The following CREB5 variants were observed in gnomAD, a reference collection of about 807,000 sequenced individuals.
The protein encoded by CREB5 is cyclic AMP-responsive element-binding protein 5.
In CREB5, 19 loss-of-function variants were observed where a neutral mutation model predicts 57.1. The ratio of observed to expected loss-of-function variants is 0.33; its 90% confidence interval spans 0.23 to 0.49. The LOEUF is 0.49. Among genes scored for constraint, CREB5 ranks in the 20% least tolerant of loss-of-function variants. CREB5 has a pLI of 0.99. For missense variants in CREB5, 579 were observed against 671.6 expected (o/e 0.86, Z 1.52); for synonymous variants, 238 against 238.3 (o/e 1.00, Z 0.01).
intron 1 of CREB5, among the ~76,000 whole-genome samples, chr7:28,430,282 C>T (rs1479044316): frequency 6.6e-6 from 1 of 152,184 alleles, no homozygotes; most frequent in Admixed American, 6.5e-5. Context: ...ATCCACTCCA[C>T]GAATGTGTAT....
chr7:28,414,523 A>G (rs146114420), intron 1 of CREB5, among the ~76,000 whole-genome samples: 87 of 152,324 alleles, frequency 5.7e-4, no homozygotes, highest in African/African-American at 1.9e-3. Flanking sequence ...TGTGAGGAAG[A>G]AGCACTTTCA....
At chr7:28,378,214 T>G (rs527401620) in intron 1 of CREB5, among the ~76,000 whole-genome samples, 2 of 152,108 alleles carry the variant, frequency 1.3e-5, no homozygotes, top group Non-Finnish European at 2.9e-5. Flanking sequence ...TTAGCTCTCT[T>G]AGGTTTTCAA....
At chr7:28,813,429 C>T (rs1452048966) in intron 9 of CREB5, among the ~76,000 whole-genome samples, 2 of 152,162 alleles carry the variant, frequency 1.3e-5, no homozygotes, top group Non-Finnish European at 2.9e-5. Flanking sequence ...TAAGTTGCTG[C>T]TGAAATTTTG....
At chr7:28,373,281 C>T (rs1322142738) in intron 1 of CREB5, among the ~76,000 whole-genome samples, 1 of 152,020 alleles carries the variant, frequency 6.6e-6, no homozygotes, top group Non-Finnish European at 1.5e-5. Context: ...CAGTAAGTTG[C>T]TCTTTGTTAT....
At chr7:28,549,791 G>A (rs887413658) in intron 4 of CREB5, among the ~76,000 whole-genome samples, 2 of 152,068 alleles carry the variant, frequency 1.3e-5, no homozygotes, top group Non-Finnish European at 2.9e-5. Context: ...ACATAAGGGG[G>A]AAAAAGAATG....
At chr7:28,703,276 G>T (rs1057222983) in intron 5 of CREB5, among the ~76,000 whole-genome samples, 1 of 152,148 alleles carries the variant, frequency 6.6e-6, no homozygotes, top group Non-Finnish European at 1.5e-5. Context: ...ATACACTCCA[G>T]GTCTATTTTG....
chr7:28,429,276 T>TA (rs1479094147), intron 1 of CREB5, among the ~76,000 whole-genome samples: 1 of 152,174 alleles, frequency 6.6e-6, no homozygotes, highest in African/African-American at 2.4e-5. Context: ...TCTGCCTGCC[T>TA]AGGCCTCCCA....
intron 1 of CREB5, among the ~76,000 whole-genome samples, chr7:28,479,467 T>G (rs1435475554): frequency 6.6e-6 from 1 of 152,226 alleles, no homozygotes; most frequent in African/African-American, 2.4e-5. Flanking sequence ...AAAGAGAACC[T>G]TGTTCGAATG....
chr7:28,583,897 C>A (rs760194650), intron 5 of CREB5, among the ~76,000 whole-genome samples: 1 of 152,028 alleles, frequency 6.6e-6, no homozygotes, highest in Non-Finnish European at 1.5e-5. Flanking sequence ...AGGCTGGTCT[C>A]GAACTCCCAA....
chr7:28,506,748 C>T (rs7802212), intron 3 of CREB5, among the ~76,000 whole-genome samples: 35,815 of 152,070 alleles, frequency 0.24, 4,939 homozygotes, highest in African/African-American at 0.39. Context: ...CACTCAATGA[C>T]GATGGAAGTG....
chr7:28,759,512 T>G (rs1394375451), intron 7 of CREB5, among the ~76,000 whole-genome samples: 1 of 152,240 alleles, frequency 6.6e-6, no homozygotes. Flanking sequence ...CCAGAAATTA[T>G]AGATGCACAA....
At chr7:28,709,765 C>T (rs1802311942) in intron 5 of CREB5, among the ~76,000 whole-genome samples, 3 of 151,946 alleles carry the variant, frequency 2.0e-5, no homozygotes, top group Admixed American at 6.6e-5. Context: ...ATCAGTAGTA[C>T]CAAATTCATA....
chr7:28,446,758 C>G (rs1789498135), intron 1 of CREB5, among the ~76,000 whole-genome samples: 1 of 152,176 alleles, frequency 6.6e-6, no homozygotes, highest in African/African-American at 2.4e-5. Context: ...CGCCACTGCA[C>G]TCCAGCCTGG....
chr7:28,394,255 A>G (rs141888830), intron 1 of CREB5, among the ~76,000 whole-genome samples: 33 of 152,228 alleles, frequency 2.2e-4, no homozygotes, highest in African/African-American at 7.5e-4. Context: ...AGGCATAAAA[A>G]GAGTAGAAAG....
At chr7:28,618,479 G>A (rs73684217) in intron 5 of CREB5, among the ~76,000 whole-genome samples, 2,905 of 152,024 alleles carry the variant, frequency 0.019, 101 homozygotes, top group African/African-American at 0.067. Context: ...CTGATTTCAG[G>A]CCTGGTATTG....
intron 5 of CREB5, among the ~76,000 whole-genome samples, chr7:28,662,438 G>C (rs1225845169): frequency 1.3e-5 from 2 of 152,324 alleles, no homozygotes; most frequent in East Asian, 3.9e-4. Flanking sequence ...GTGCGCTCTC[G>C]TGCTTGCCTC....
At chr7:28,687,423 G>A (rs918548171) in intron 5 of CREB5, among the ~76,000 whole-genome samples, 12 of 151,470 alleles carry the variant, frequency 7.9e-5, no homozygotes, top group Admixed American at 2.0e-4. Flanking sequence ...TAAGGATCTC[G>A]TGTACTCAGA....
intron 9 of CREB5, among the ~76,000 whole-genome samples, chr7:28,817,099 A>G (rs1166137610): frequency 6.6e-6 from 1 of 151,950 alleles, no homozygotes; most frequent in African/African-American, 2.4e-5. Context: ...ACATGAGTAA[A>G]TAAGAAGAAA....
In CREB5 at chr7:28,494,954, A is replaced by G; in HGVS notation, c.124A>G (p.Met42Val). ...HLMIHRHKHE[M>V]TLKFPSIKTD... ...GATGATTCATAGGCACAAACATGAA[A>G]TGACTTTGAAGTTTCCTTCAATAAA... The change falls in exon 3 of 11, where the codon ATG becomes GTG. Residue 42 changes from methionine to valine, a missense_variant. This residue lies in a region of CREB5 where 459 missense variants were observed against 515.7 expected (regional missense o/e 0.89). Coordinates refer to ENST00000357727, the MANE Select transcript of CREB5 (RefSeq NM_182898.4). The G allele has an allele frequency of 6.2e-7, 1 of 1,609,272 alleles. No individual in the cohort carries two copies. Among genetic ancestry groups the G allele is most frequent in the South Asian group, 1.1e-5 (1 of 89,700 alleles).
Sources: gnomAD v4.1 joint callset for allele counts (sites outside exome capture counted in the v4.1 genomes callset) on GRCh38, gnomAD v4.1.1 for gene constraint, gnomAD v4.1.1 regional missense constraint, MANE v1.5 for transcripts, NCBI Gene and HGNC (gene_info 2026-07-23, HGNC 2026-07-21) for gene names.